The following LRP1B variants were observed in gnomAD, a reference collection of about 807,000 sequenced individuals.
The protein encoded by LRP1B is LDL receptor related protein 1B.
In LRP1B, 217 loss-of-function variants were observed where a neutral mutation model predicts 556.6. The ratio of observed to expected loss-of-function variants is 0.39; its 90% CI spans 0.35 to 0.44. The LOEUF is 0.44. Among genes scored for constraint, LRP1B ranks in the 20% least tolerant of loss-of-function variants. The pLI is 1.00. For synonymous variants in LRP1B, 2,047 were observed against 1,865.8 expected, an observed-to-expected ratio of 1.10 and a Z score of -2.50; for missense variants, 5,053 against 5,620.8, an observed-to-expected ratio of 0.90 and a Z score of 3.23.
chr2:140,589,288 A>C (rs1682120094), intron 43 of LRP1B, among the ~76,000 whole-genome samples: 1 of 152,210 alleles, frequency 6.6e-6, no homozygotes, highest in Non-Finnish European at 1.5e-5. Flanking sequence ...TACAAACCAC[A>C]TAGCCAACAA....
intron 3 of LRP1B, among the ~76,000 whole-genome samples, chr2:141,366,125 ATCTAC>A (rs1689026991): frequency 6.6e-6 from 1 of 152,178 alleles, no homozygotes; most frequent in Non-Finnish European, 1.5e-5. Flanking sequence ...GCTGCAACAA[ATCTAC>A]TCTACAGATA....
chr2:140,899,101 A>T, intron 23 of LRP1B: 1 of 231,752 alleles, frequency 4.3e-6, no homozygotes, highest in East Asian at 1.2e-4. Context: ...CATGGCCACC[A>T]AGAAGTTGCA....
chr2:141,270,309 T>G (rs1685041236), intron 3 of LRP1B, among the ~76,000 whole-genome samples: 1 of 152,116 alleles, frequency 6.6e-6, no homozygotes, highest in African/African-American at 2.4e-5. Flanking sequence ...TAACCAGTTT[T>G]GGTGATGATG....
chr2:141,074,643 T>TAC, intron 7 of LRP1B, among the ~76,000 whole-genome samples: 1 of 148,356 alleles, frequency 6.7e-6, no homozygotes, highest in South Asian at 2.1e-4. Context: ...ATATTACATA[T>TAC]ATAATTTTTT....
At chr2:141,752,463 G>T (rs1240468999) in intron 2 of LRP1B, among the ~76,000 whole-genome samples, 1 of 151,978 alleles carries the variant, frequency 6.6e-6, no homozygotes. Context: ...TGCTCTTTTG[G>T]GTACCACTAC....
At chr2:141,283,270 T>A (rs1357599940) in intron 3 of LRP1B, among the ~76,000 whole-genome samples, 2 of 152,166 alleles carry the variant, frequency 1.3e-5, no homozygotes, top group Admixed American at 1.3e-4. Flanking sequence ...AGTTGAGGCC[T>A]ACATGCTAAG....
At chr2:141,770,843 C>T (rs905611557) in intron 2 of LRP1B, among the ~76,000 whole-genome samples, 3 of 152,114 alleles carry the variant, frequency 2.0e-5, no homozygotes, top group Non-Finnish European at 4.4e-5. Flanking sequence ...AAGGTGGACA[C>T]GTTATTTATC....
intron 32 of LRP1B, among the ~76,000 whole-genome samples, chr2:140,812,741 A>G (rs904958569): frequency 3.3e-5 from 5 of 152,040 alleles, no homozygotes; most frequent in African/African-American, 1.2e-4. Flanking sequence ...CATAAATTGT[A>G]TAAGTTTTTA....
intron 37 of LRP1B, among the ~76,000 whole-genome samples, chr2:140,706,660 A>G (rs975038054): frequency 6.6e-6 from 1 of 152,104 alleles, no homozygotes; most frequent in African/African-American, 2.4e-5. Flanking sequence ...CCAACTGATT[A>G]TTGACATTTG....
intron 2 of LRP1B, among the ~76,000 whole-genome samples, chr2:141,797,574 C>T (rs143031300): frequency 5.3e-5 from 8 of 152,108 alleles, no homozygotes; most frequent in Non-Finnish European, 8.8e-5. Context: ...AGGATATGCT[C>T]GATTCTAAGG....
chr2:140,714,620 A>T (rs1687147205), intron 37 of LRP1B, among the ~76,000 whole-genome samples: 1 of 152,206 alleles, frequency 6.6e-6, no homozygotes, highest in African/African-American at 2.4e-5. Context: ...ATTCTTTATT[A>T]GAAACAAACT....
intron 5 of LRP1B, among the ~76,000 whole-genome samples, chr2:141,231,602 C>T (rs1175155868): frequency 6.8e-6 from 1 of 147,446 alleles, no homozygotes; most frequent in African/African-American, 2.5e-5. Context: ...TTAGCACATT[C>T]CCCCCACCCC....
chr2:141,913,893 C>T (rs929468811), intron 1 of LRP1B, among the ~76,000 whole-genome samples: 11 of 152,170 alleles, frequency 7.2e-5, no homozygotes, highest in Admixed American at 2.0e-4. Flanking sequence ...ACTACAGGCA[C>T]GTACCACCAC....
intron 11 of LRP1B, among the ~76,000 whole-genome samples, chr2:141,027,334 G>C (rs1698243738): frequency 6.6e-6 from 1 of 152,060 alleles, no homozygotes; most frequent in Admixed American, 6.6e-5. Context: ...ATAATAATCA[G>C]TTCTCTCCAT....
intron 7 of LRP1B, among the ~76,000 whole-genome samples, chr2:141,066,789 G>A (rs1006631870): frequency 7.2e-5 from 11 of 151,816 alleles, no homozygotes; most frequent in African/African-American, 2.7e-4. Flanking sequence ...TAGGTTACAC[G>A]ACAAGATTTT....
At chr2:140,963,452 TATATATA>T (rs1203589269) in intron 18 of LRP1B, among the ~76,000 whole-genome samples, 2 of 107,164 alleles carry the variant, frequency 1.9e-5, no homozygotes, top group Non-Finnish European at 3.9e-5. Flanking sequence ...TTTATATATA[TATATATA>T]TTTTTAACCA....
intron 84 of LRP1B, among the ~76,000 whole-genome samples, chr2:140,277,597 T>C (rs980708294): frequency 3.4e-4 from 52 of 150,800 alleles, no homozygotes; most frequent in Middle Eastern, 6.8e-3. Context: ...GCAACAAGAG[T>C]GAAACTCTAT....
intron 1 of LRP1B, among the ~76,000 whole-genome samples, chr2:142,074,094 T>C (rs889602191): frequency 2.0e-5 from 3 of 152,072 alleles, no homozygotes; most frequent in African/African-American, 7.2e-5. Context: ...TTTCCTTTAC[T>C]CGCAAACTTT....
chr2:141,842,290 A>G (rs868678240), intron 1 of LRP1B, among the ~76,000 whole-genome samples: 1 of 152,150 alleles, frequency 6.6e-6, no homozygotes, highest in South Asian at 2.1e-4. Flanking sequence ...AAAAGGTAAT[A>G]TAATTTAGGT....
Sources: allele counts gnomAD v4.1 joint callset (sites outside exome capture counted in the v4.1 genomes callset), GRCh38; gene constraint gnomAD v4.1.1; transcripts MANE v1.5; gene names NCBI Gene and HGNC (gene_info 2026-07-23, HGNC 2026-07-21).